Variants in CSGALNACT1 observed in about 807,000 individuals in gnomAD.
The protein encoded by CSGALNACT1 is beta4GalNAcT-1.
In CSGALNACT1, 52 loss-of-function variants were observed where a neutral mutation model predicts 51.0. The observed-to-expected ratio is 1.02, with a 90% CI of 0.82 to 1.29. The LOEUF (loss-of-function observed/expected upper bound fraction) is 1.29. CSGALNACT1 is among the 50% of genes most tolerant of loss of function. CSGALNACT1 has a pLI of 0.00. For synonymous variants in CSGALNACT1, 341 were observed against 254.4 expected, an observed-to-expected ratio of 1.34 and a Z score of -3.24; for missense variants, 935 against 679.2, an observed-to-expected ratio of 1.38 and a Z score of -4.19.
At chr8:19,648,093 A>T (rs1326564292) in intron 1 of CSGALNACT1, among the ~76,000 whole-genome samples, 1 of 152,222 alleles carries the variant, frequency 6.6e-6, no homozygotes, top group African/African-American at 2.4e-5. Context: ...TTTGGGAGTT[A>T]GTGAATATAA....
intron 1 of CSGALNACT1, among the ~76,000 whole-genome samples, chr8:19,657,065 TAAAAA>T (rs200755706): frequency 8.0e-6 from 1 of 125,724 alleles, no homozygotes; most frequent in African/African-American, 3.1e-5. Flanking sequence ...TCCATCTCAT[TAAAAA>T]AAAAAAAAAA....
intron 1 of CSGALNACT1, among the ~76,000 whole-genome samples, chr8:19,750,204 G>A (rs550853336): frequency 6.6e-6 from 1 of 152,194 alleles, no homozygotes; most frequent in South Asian, 2.1e-4. Flanking sequence ...TACACCATAG[G>A]TACCTCTCTT....
chr8:19,462,145 G>A (rs374386921), intron 4 of CSGALNACT1, among the ~76,000 whole-genome samples: 1 of 152,188 alleles, frequency 6.6e-6, no homozygotes, highest in Non-Finnish European at 1.5e-5. Context: ...TCACCAGAGA[G>A]GGCCTAACTG....
At chr8:19,654,601 G>C (rs1405974735) in intron 1 of CSGALNACT1, among the ~76,000 whole-genome samples, 13 of 152,152 alleles carry the variant, frequency 8.5e-5, no homozygotes, top group Admixed American at 8.5e-4. Context: ...CTGGAGTGCA[G>C]TGTTGTGATG....
At chr8:19,432,876 T>C (rs1425022578) in intron 6 of CSGALNACT1, among the ~76,000 whole-genome samples, 1 of 152,200 alleles carries the variant, frequency 6.6e-6, no homozygotes, top group African/African-American at 2.4e-5. Flanking sequence ...TTTGTGAATA[T>C]ACTTAATACA....
intron 1 of CSGALNACT1, among the ~76,000 whole-genome samples, chr8:19,706,507 A>T (rs2097396319): frequency 6.6e-6 from 1 of 152,204 alleles, no homozygotes; most frequent in African/African-American, 2.4e-5. Context: ...GGTTTAAAGG[A>T]GTGCCTTTTC....
Position 19,452,714 on chromosome 8 carries a change from AC to A in CSGALNACT1, c.851+5711del, listed in dbSNP as rs78527780. ...ACTCTTTGTGATGTCCCAGGCCTCA[AC>A]CCTTACTTGAAGGCCATTATGAGAG... On this transcript the variant is annotated intron_variant, in intron 5 of 9. Transcript: ENST00000454498. Among the ~76,000 whole-genome samples the A allele has an allele frequency of 7.4e-3, 1,133 of 152,176 alleles. 34 individuals carry two copies. In the East Asian group the frequency reaches 0.12, roughly 16 times the overall value.
chr8:19,608,798 T>C (rs1490738447), intron 1 of CSGALNACT1, among the ~76,000 whole-genome samples: 2 of 152,224 alleles, frequency 1.3e-5, no homozygotes, highest in Non-Finnish European at 1.5e-5. Context: ...GACACTGTGA[T>C]AGATGAAGAA....
intron 1 of CSGALNACT1, among the ~76,000 whole-genome samples, chr8:19,671,799 C>G (rs1318238857): frequency 6.6e-6 from 1 of 152,038 alleles, no homozygotes; most frequent in African/African-American, 2.4e-5. Flanking sequence ...ATAGATTTAC[C>G]AAATTGAGAT....
chr8:19,597,974 G>T (rs139990220), intron 2 of CSGALNACT1, among the ~76,000 whole-genome samples: 2 of 152,336 alleles, frequency 1.3e-5, no homozygotes, highest in African/African-American at 4.8e-5. Flanking sequence ...CCCCATCCCA[G>T]CCTGGGGCTC....
intron 1 of CSGALNACT1, among the ~76,000 whole-genome samples, chr8:19,626,987 A>G (rs1245335619): frequency 6.6e-6 from 1 of 152,212 alleles, no homozygotes; most frequent in African/African-American, 2.4e-5. Flanking sequence ...TAACGGAAAC[A>G]ATTTGACAGT....
chr8:19,692,187 C>T (rs2154216095), intron 1 of CSGALNACT1, among the ~76,000 whole-genome samples: 1 of 152,260 alleles, frequency 6.6e-6, no homozygotes, highest in Admixed American at 6.5e-5. Context: ...TCCCTCGACA[C>T]ACAGGAATTA....
chr8:19,653,777 G>C (rs530147246), intron 1 of CSGALNACT1, among the ~76,000 whole-genome samples: 60 of 147,744 alleles, frequency 4.1e-4, no homozygotes, highest in East Asian at 5.9e-4. Flanking sequence ...CAGCATGGGT[G>C]AATGAATGAT....
chr8:19,634,831 C>A (rs936592766), intron 1 of CSGALNACT1, among the ~76,000 whole-genome samples: 2 of 152,172 alleles, frequency 1.3e-5, no homozygotes, highest in African/African-American at 2.4e-5. Flanking sequence ...TGAGAAAATT[C>A]TCTTGCATAA....
At chr8:19,567,113 C>G (rs1172833880) in intron 3 of CSGALNACT1, among the ~76,000 whole-genome samples, 1 of 152,224 alleles carries the variant, frequency 6.6e-6, no homozygotes. Flanking sequence ...TGGCAAAACA[C>G]AGGCTTAGGG....
chr8:19,737,306 G>A (rs1032415868), intron 1 of CSGALNACT1, among the ~76,000 whole-genome samples: 4 of 151,520 alleles, frequency 2.6e-5, no homozygotes, highest in Non-Finnish European at 5.9e-5. Flanking sequence ...AACTGTGACT[G>A]GGAAAAAAAA....
intron 1 of CSGALNACT1, among the ~76,000 whole-genome samples, chr8:19,608,864 T>G (rs1347466551): frequency 6.6e-6 from 1 of 152,218 alleles, no homozygotes; most frequent in Admixed American, 6.5e-5. Flanking sequence ...TTTATCTTCT[T>G]CCTTCCCAGA....
At chr8:19,684,840 TTTCTCA>T (rs1215281999), upstream of CSGALNACT1, among the ~76,000 whole-genome samples, 1 of 152,230 alleles carries the variant, frequency 6.6e-6, no homozygotes, top group African/African-American at 2.4e-5. Flanking sequence ...TCACTTTTCT[TTTCTCA>T]TTCTAAGTAA....
intron 1 of CSGALNACT1, among the ~76,000 whole-genome samples, chr8:19,648,392 T>C (rs2057469631): frequency 6.6e-6 from 1 of 152,224 alleles, no homozygotes; most frequent in African/African-American, 2.4e-5. Context: ...AATTCATCAA[T>C]ATATAAAATT....
Sources: gnomAD v4.1 joint callset for allele counts (sites outside exome capture counted in the v4.1 genomes callset) on GRCh38, gnomAD v4.1.1 for gene constraint, MANE v1.5 for transcripts, NCBI Gene and HGNC (gene_info 2026-07-23, HGNC 2026-07-21) for gene names.